RGS7BP: variants seen among roughly 807,000 people sequenced by gnomAD.
The protein encoded by RGS7BP is regulator of G protein signaling 7-binding protein.
In RGS7BP, 9 loss-of-function variants were observed where a neutral mutation model predicts 31.3. The observed-to-expected ratio is 0.29, with a 90% confidence interval of 0.17 to 0.50. RGS7BP has a LOEUF of 0.50. Among genes scored for constraint, RGS7BP ranks in the 20% least tolerant of loss-of-function variants. The pLI, the probability that RGS7BP is intolerant of heterozygous loss-of-function variation, is 0.98. For synonymous variants in RGS7BP, 115 were observed against 120.1 expected (o/e 0.96, Z 0.28); for missense variants, 274 against 322.0 (o/e 0.85, Z 1.14).
intron 2 of RGS7BP, among the ~76,000 whole-genome samples, chr5:64,525,003 A>C (rs1409393708): frequency 6.6e-6 from 1 of 152,098 alleles, no homozygotes; most frequent in Non-Finnish European, 1.5e-5. Flanking sequence ...AGTGCCACTC[A>C]TAAACTTCAT....
intron 2 of RGS7BP, among the ~76,000 whole-genome samples, chr5:64,535,715 T>G (rs1382964900): frequency 6.6e-6 from 1 of 152,212 alleles, no homozygotes; most frequent in Non-Finnish European, 1.5e-5. Context: ...ATTTTCACTC[T>G]CCTTCCATAG....
chr5:64,506,549 G>C lies in RGS7BP; in HGVS notation c.-76G>C. 1 of 1,374,120 alleles carries C rather than the reference G, an allele frequency of 7.3e-7. No homozygotes were observed. The highest frequency in any genetic ancestry group is 2.4e-5 in the East Asian group (1 of 42,194). The allele number at this position is 1,374,120 out of a possible 1,614,324, so 85.1% of individuals were successfully genotyped here. ...TCCGGGCTCCGGCTGCTTGGCGGCG[G>C]CGCCCAGGGCAACAACCGGGCCGCC... On this transcript the variant is annotated 5_prime_UTR_variant, in exon 1 of 6. Transcript: ENST00000334025. The surrounding 1 kb of genome is among the most constrained non-coding windows in gnomAD (Gnocchi z 4.6).
intron 2 of RGS7BP, among the ~76,000 whole-genome samples, chr5:64,556,825 TCTCTGTGTGTGTGTGC>T (rs1741940032): frequency 6.6e-6 from 1 of 151,650 alleles, no homozygotes; most frequent in African/African-American, 2.4e-5. Context: ...AAAAAAAAAA[TCTCTGTGTGTGTGTGC>T]CTCTGTGTGT....
chr5:64,572,807 CT>C (rs373867967), intron 2 of RGS7BP, among the ~76,000 whole-genome samples: 68 of 144,208 alleles, frequency 4.7e-4, no homozygotes, highest in East Asian at 2.1e-3. Context: ...CTTGCCTTTT[CT>C]TTTTTTTTTT....
chr5:64,569,012 G>A lies in RGS7BP; in HGVS notation c.333-6762G>A, dbSNP rs183673518. Among the ~76,000 whole-genome samples, 23 of 152,194 alleles carry A rather than the reference G, an allele frequency of 1.5e-4. No individual in the cohort carries two copies. The East Asian group carries it at 4.1e-3, about 27-fold the overall frequency. ...AACTGTAAAAGGTGCTGGCCCCTCT[G>A]AGGCCTGTTGCTTTATATATAGGTC... On this transcript the variant is annotated intron_variant, in intron 2 of 5. Coordinates refer to ENST00000334025, the MANE Select transcript of RGS7BP (RefSeq NM_001029875.3).
chr5:64,601,686 A>C (rs1743222556), intron 5 of RGS7BP, among the ~76,000 whole-genome samples: 1 of 152,140 alleles, frequency 6.6e-6, no homozygotes, highest in African/African-American at 2.4e-5. Flanking sequence ...CCTGTCCTAC[A>C]TTCTAGGACA....
Position 64,506,884 on chromosome 5 carries a change from C to A in RGS7BP, c.165+95C>A. 1 of 1,188,874 alleles carries A rather than the reference C, an allele frequency of 8.4e-7. No homozygotes were observed. Among genetic ancestry groups the A allele is most frequent in the South Asian group, 1.6e-5 (1 of 63,290 alleles). 73.6% of individuals were successfully genotyped at this position (1,188,874 alleles called of 1,614,324 possible). ...ATCATTTGCCTGAGTGCCAGCCACT[C>A]CCCCACCCTCAGCTCCTCAATGCCG... is the stretch of plus-strand genomic sequence containing the variant. On this transcript the variant is annotated intron_variant, in intron 1 of 5. Transcript: ENST00000334025. The surrounding 1 kb of genome is among the most constrained non-coding windows in gnomAD (Gnocchi z 4.6).
intron 2 of RGS7BP, among the ~76,000 whole-genome samples, chr5:64,551,375 G>T (rs1741791380): frequency 6.6e-6 from 1 of 150,610 alleles, no homozygotes; most frequent in African/African-American, 2.5e-5. Context: ...CAATTCTCCT[G>T]CCTCAGCCTC....
chr5:64,566,063 C>G (rs1458567924), intron 2 of RGS7BP, among the ~76,000 whole-genome samples: 1 of 152,068 alleles, frequency 6.6e-6, no homozygotes, highest in Non-Finnish European at 1.5e-5. Flanking sequence ...GAAGAAAGCT[C>G]TAACTATCCT....
chr5:64,603,914 G>A (rs1441733622), intron 5 of RGS7BP, among the ~76,000 whole-genome samples: 1 of 152,162 alleles, frequency 6.6e-6, no homozygotes, highest in Non-Finnish European at 1.5e-5. Flanking sequence ...GCAGAAGCAT[G>A]GAGCAGTCAG....
chr5:64,556,657 C>T (rs1741936410), intron 2 of RGS7BP, among the ~76,000 whole-genome samples: 1 of 151,974 alleles, frequency 6.6e-6, no homozygotes, highest in Non-Finnish European at 1.5e-5. Flanking sequence ...TATAGTTTTG[C>T]TTGAGGTTTG....
In RGS7BP at chr5:64,520,930, C is replaced by T. The variant is rs573031703; in HGVS notation, c.332+13053C>T. On this transcript the variant is annotated intron_variant, in intron 2 of 5. Transcript: ENST00000334025. ...GGAAGAAGTCATAGGAAATGAGATC[C>T]GGGAGAGATTATCAGACCAATCTCA... 5.3e-5 allele frequency among the ~76,000 whole-genome samples: 8 copies of T among 152,274 alleles called. No individual in the cohort carries two copies. In the East Asian group the frequency reaches 9.6e-4, roughly 18 times the overall value.
At chr5:64,590,713 A>C (rs138246937) in intron 3 of RGS7BP, among the ~76,000 whole-genome samples, 4 of 152,270 alleles carry the variant, frequency 2.6e-5, no homozygotes, top group African/African-American at 9.6e-5. Flanking sequence ...AGTACAGTGA[A>C]GGAGAACTTT....
In RGS7BP at chr5:64,611,934, G is replaced by A. The variant is rs1212768397; in HGVS notation, c.*2682G>A. ...CTGCTGGTAATTCGCTTTCAGATTA[G>A]CAATAACACTGAGCTGATCTCTAGG... On this transcript the variant is annotated 3_prime_UTR_variant, in exon 6 of 6. Transcript: ENST00000334025. The A allele has an allele frequency of 6.6e-6, 1 of 151,938 alleles. No homozygotes were observed. The highest frequency in any genetic ancestry group is 1.9e-4 in the East Asian group (1 of 5,156). 9.4% of individuals were successfully genotyped at this position (151,938 alleles called of 1,614,324 possible). A position where few individuals can be genotyped will look rare whatever the true frequency, so the allele number is the denominator to read the frequency against.
chr5:64,513,114 C>G (rs1190943547), intron 2 of RGS7BP, among the ~76,000 whole-genome samples: 2 of 152,168 alleles, frequency 1.3e-5, no homozygotes, highest in Non-Finnish European at 2.9e-5. Flanking sequence ...AAATAAATAT[C>G]ATGCAAGAAG....
At chr5:64,574,728 A>G (rs1348956335) in intron 2 of RGS7BP, among the ~76,000 whole-genome samples, 1 of 152,236 alleles carries the variant, frequency 6.6e-6, no homozygotes, top group Non-Finnish European at 1.5e-5. Context: ...AATTCTCTTT[A>G]GTGTGATTCC....
chr5:64,606,998 C>CA (rs35316458), intron 5 of RGS7BP, among the ~76,000 whole-genome samples: 42,162 of 151,918 alleles, frequency 0.28, 6,186 homozygotes, highest in South Asian at 0.42. Flanking sequence ...GTGTTTGATT[C>CA]ATTTGATATG....
chr5:64,555,633 T>G (rs16892830), intron 2 of RGS7BP, among the ~76,000 whole-genome samples: 31,266 of 152,078 alleles, frequency 0.21, 3,950 homozygotes, highest in South Asian at 0.35. Context: ...TAGCAAGGAC[T>G]TGAGCTGAAA....
Position 64,550,201 on chromosome 5 carries a change from C to A in RGS7BP, c.333-25573C>A, listed in dbSNP as rs565790808. Among the ~76,000 whole-genome samples the A allele has an allele frequency of 2.6e-5, 4 of 152,232 alleles. No homozygotes were observed. The East Asian group carries it at 7.7e-4, about 29-fold the overall frequency. On this transcript the variant is annotated intron_variant, in intron 2 of 5. Coordinates refer to ENST00000334025, the MANE Select transcript of RGS7BP (RefSeq NM_001029875.3). ...TAGCAGTCTGCTCTGACTGCCATAA[C>A]AAAATACCACAGACCAGGTGGCTTA...
Sources: gnomAD v4.1 joint callset for allele counts (sites outside exome capture counted in the v4.1 genomes callset) on GRCh38, gnomAD v4.1.1 for gene constraint, Gnocchi (gnomAD v3.1) non-coding constraint, MANE v1.5 for transcripts, NCBI Gene and HGNC (gene_info 2026-07-23, HGNC 2026-07-21) for gene names.